The following ANO3 variants were observed in gnomAD, a reference collection of about 807,000 sequenced individuals.
The protein encoded by ANO3 is anoctamin 3.
Under a neutral mutation model 144.8 loss-of-function variants are expected in ANO3, and 99 were observed. That is an observed-to-expected ratio of 0.68 (90% CI 0.58 to 0.81). The LOEUF is 0.81. Ranked by LOEUF, ANO3 falls within the 30% of genes least tolerant of loss-of-function variation. ANO3 has a pLI of 0.00. For missense variants in ANO3, 905 were observed against 1,202.2 expected, an observed-to-expected ratio of 0.75 and a Z score of 3.66; for synonymous variants, 414 against 392.6, an observed-to-expected ratio of 1.05 and a Z score of -0.64.
At chr11:26,612,065 A>G (rs921530462) in intron 17 of ANO3, among the ~76,000 whole-genome samples, 4 of 152,060 alleles carry the variant, frequency 2.6e-5, no homozygotes, top group African/African-American at 9.7e-5. Flanking sequence ...TTGGCTACTC[A>G]GTATCTTTTA....
intron 9 of ANO3, among the ~76,000 whole-genome samples, chr11:26,535,571 C>CTTTTTTTTTTT (rs72278856): frequency 1.7e-4 from 10 of 58,610 alleles, no homozygotes; most frequent in Admixed American, 3.5e-4. Context: ...AAGACAGCCA[C>CTTTTTTTTTTT]TTTTTTTTTT....
intron 14 of ANO3, among the ~76,000 whole-genome samples, chr11:26,577,288 G>T (rs1264826223): frequency 2.6e-5 from 4 of 152,178 alleles, no homozygotes; most frequent in Non-Finnish European, 5.9e-5. Context: ...AAGTGGCTGG[G>T]CATGGTGGTT....
chr11:26,471,023 C>T (rs1859762508), intron 4 of ANO3, among the ~76,000 whole-genome samples: 1 of 151,978 alleles, frequency 6.6e-6, no homozygotes, highest in African/African-American at 2.4e-5. Flanking sequence ...GCACTGATCA[C>T]TTTTGCACCA....
At chr11:26,624,176 A>C (rs2133008603) in intron 17 of ANO3, among the ~76,000 whole-genome samples, 1 of 152,336 alleles carries the variant, frequency 6.6e-6, no homozygotes, top group South Asian at 2.1e-4. Flanking sequence ...TGATTTACAA[A>C]ATGAAAATGA....
At chr11:26,621,445 G>A (rs555257025) in intron 17 of ANO3, among the ~76,000 whole-genome samples, 2 of 152,214 alleles carry the variant, frequency 1.3e-5, no homozygotes, top group South Asian at 2.1e-4. Context: ...ACTTAGCTGA[G>A]ATTTCTGCTT....
At chr11:26,647,591 C>T in intron 23 of ANO3, 118 bp from the exon 24 acceptor site, 1 of 866,286 alleles carries the variant, frequency 1.2e-6, no homozygotes, top group Non-Finnish European at 1.8e-6. Flanking sequence ...TAAGAAAGCA[C>T]ATAGTGGACA....
At chr11:26,302,079 C>T (rs929275870) in intron 1 of ANO3, among the ~76,000 whole-genome samples, 15 of 152,190 alleles carry the variant, frequency 9.9e-5, no homozygotes, top group African/African-American at 3.4e-4. Context: ...GCCAGTCTTC[C>T]AGTCATCATG....
At chr11:26,218,865 C>G (rs1249178151) in intron 1 of ANO3, among the ~76,000 whole-genome samples, 1 of 152,136 alleles carries the variant, frequency 6.6e-6, no homozygotes, top group Non-Finnish European at 1.5e-5. Context: ...TGCAAAATGA[C>G]AGTTTCAGTC....
At chr11:26,212,456 C>T (rs1851953983) in intron 1 of ANO3, among the ~76,000 whole-genome samples, 2 of 151,256 alleles carry the variant, frequency 1.3e-5, no homozygotes, top group Admixed American at 1.3e-4. Flanking sequence ...GGGGATATCA[C>T]CACTGATACC....
intron 14 of ANO3, among the ~76,000 whole-genome samples, chr11:26,580,669 A>T (rs1459488038): frequency 6.6e-6 from 1 of 152,210 alleles, no homozygotes; most frequent in Non-Finnish European, 1.5e-5. Flanking sequence ...ATATTCAGAC[A>T]TATTTAACTA....
chr11:26,371,121 A>G (rs1438187436), intron 1 of ANO3, among the ~76,000 whole-genome samples: 3 of 152,216 alleles, frequency 2.0e-5, no homozygotes, highest in South Asian at 2.1e-4. Flanking sequence ...CCTTTAGTGG[A>G]CCAGGCCAAG....
chr11:26,250,810 C>G (rs1395721440), intron 1 of ANO3, among the ~76,000 whole-genome samples: 1 of 152,050 alleles, frequency 6.6e-6, no homozygotes, highest in Non-Finnish European at 1.5e-5. Context: ...GGGTTACATC[C>G]CAGTAAATCC....
chr11:26,564,763 A>AT (rs1850491468), intron 14 of ANO3, among the ~76,000 whole-genome samples: 1 of 98,802 alleles, frequency 1.0e-5, no homozygotes, highest in South Asian at 3.5e-4. Context: ...ATATATATAT[A>AT]TATATATATA....
At chr11:26,197,999 G>T (rs73439603) in intron 1 of ANO3, among the ~76,000 whole-genome samples, 2,292 of 152,212 alleles carry the variant, frequency 0.015, 73 homozygotes, top group African/African-American at 0.053. Context: ...CAGTGCTGAA[G>T]ATCTTCCTCA....
intron 1 of ANO3, among the ~76,000 whole-genome samples, chr11:26,225,714 A>G (rs1299412552): frequency 1.3e-5 from 2 of 152,160 alleles, no homozygotes; most frequent in Admixed American, 6.6e-5. Flanking sequence ...TTTATGATCT[A>G]CAAGATTTAG....
chr11:26,249,486 G>A (rs1047898552), intron 1 of ANO3, among the ~76,000 whole-genome samples: 2 of 151,904 alleles, frequency 1.3e-5, no homozygotes, highest in South Asian at 2.1e-4. Flanking sequence ...GTGGTGTTCC[G>A]GTATCTAATA....
intron 1 of ANO3, among the ~76,000 whole-genome samples, chr11:26,224,467 C>T (rs754746962): frequency 1.3e-5 from 2 of 152,226 alleles, no homozygotes; most frequent in Non-Finnish European, 2.9e-5. Context: ...GCCTTCCATT[C>T]ACTGTTCACC....
chr11:26,432,736 C>T (rs1003786508), intron 1 of ANO3, among the ~76,000 whole-genome samples: 6 of 152,082 alleles, frequency 3.9e-5, no homozygotes, highest in Admixed American at 3.9e-4. Flanking sequence ...ATTTCACATT[C>T]TCTATGCTGC....
chr11:26,535,211 G>T (rs896611963), intron 9 of ANO3, among the ~76,000 whole-genome samples: 3 of 152,044 alleles, frequency 2.0e-5, no homozygotes, highest in Non-Finnish European at 2.9e-5. Flanking sequence ...CTTTTTAGAG[G>T]TTACCTCTGG....
Sources: gnomAD v4.1 joint callset for allele counts (sites outside exome capture counted in the v4.1 genomes callset) on GRCh38, gnomAD v4.1.1 for gene constraint, MANE v1.5 for transcripts, NCBI Gene and HGNC (gene_info 2026-07-23, HGNC 2026-07-21) for gene names.